Variants in PLCG1 observed in about 807,000 individuals in gnomAD.
The protein encoded by PLCG1 is phospholipase C gamma 1.
A neutral mutation model predicts 177.8 loss-of-function variants in PLCG1; 71 were observed. The ratio of observed to expected loss-of-function variants is 0.40; its 90% CI spans 0.33 to 0.49. PLCG1 has a LOEUF of 0.49. Ranked by LOEUF, PLCG1 falls within the 20% of genes least tolerant of loss-of-function variation. The pLI, the probability that PLCG1 is intolerant of heterozygous loss-of-function variation, is 0.72. For synonymous variants in PLCG1, 658 were observed against 647.9 expected, an observed-to-expected ratio of 1.02 and a Z score of -0.24; for missense variants, 1,281 against 1,709.0, an observed-to-expected ratio of 0.75 and a Z score of 4.42.
intron 1 of PLCG1, among the ~76,000 whole-genome samples, chr20:41,149,163 C>T (rs1446808824): frequency 6.6e-6 from 1 of 152,210 alleles, no homozygotes; most frequent in East Asian, 1.9e-4. Flanking sequence ...GTAGTAACTA[C>T]TTCATCCTCT....
chr20:41,152,996 TC>T (rs1247696455), intron 1 of PLCG1, among the ~76,000 whole-genome samples: 1 of 152,168 alleles, frequency 6.6e-6, no homozygotes, highest in Non-Finnish European at 1.5e-5. Flanking sequence ...TTCCCTGCCT[TC>T]CTCCAGTGCC....
intron 1 of PLCG1, among the ~76,000 whole-genome samples, chr20:41,143,389 G>A (rs560492790): frequency 6.6e-6 from 1 of 152,314 alleles, no homozygotes; most frequent in South Asian, 2.1e-4. Flanking sequence ...TTAGGAGACT[G>A]ATTTTTCCCC....
intron 1 of PLCG1, among the ~76,000 whole-genome samples, chr20:41,138,904 C>T (rs1397612375): frequency 1.3e-5 from 2 of 152,154 alleles, no homozygotes; most frequent in Non-Finnish European, 1.5e-5. Flanking sequence ...CATTCCCCCG[C>T]CTCTCAGTGT....
rs375313716 is a variant in PLCG1 at position 41,163,772 on chromosome 20, G to T, written c.949G>T (p.Val317Leu). Residue 317 changes from valine (V) to leucine (L), a missense_variant, in exon 10 of 32, where the codon GTA becomes TTA. Physicochemically the swap from Val to Leu is conservative, Grantham distance 32 (BLOSUM62 1). Around this residue, in one of 4 missense-constraint regions of PLCG1, gnomAD observed 374 missense variants for 443.8 expected, o/e 0.84. Transcript: ENST00000685551. This position sits in a 1 kb window ranked among gnomAD's most constrained non-coding sequence, Gnocchi z 5.2. ...TGTGTGGAACTCGCAGCTGGATGCAGTATGCCCGGACACCATGAACAACCC... is the reference window on the plus strand; with the variant it reads ...TGTGTGGAACTCGCAGCTGGATGCATTATGCCCGGACACCATGAACAACCC... ...NSVWNSQLDAVCPDTMNNPLS... is the reference protein window; with the variant it reads ...NSVWNSQLDALCPDTMNNPLS... The T allele has an allele frequency of 1.2e-6, 2 of 1,613,310 alleles. No individual in the cohort carries two copies. Among genetic ancestry groups the T allele is most frequent in the African/African-American group, 1.3e-5 (1 of 74,704 alleles).
chr20:41,163,570 G>T lies in PLCG1; in HGVS notation c.891+91G>T. Reference sequence around the variant, plus strand: ...GGCTCCAGGAGCTAGACGCTCCTTAGGGATGCCACCTTGTTTCTACCTACT... The same window carrying T: ...GGCTCCAGGAGCTAGACGCTCCTTATGGATGCCACCTTGTTTCTACCTACT... On this transcript the variant is annotated intron_variant, in intron 9 of 31. Transcript: ENST00000685551. This position sits in a 1 kb window ranked among gnomAD's most constrained non-coding sequence, Gnocchi z 5.2. The T allele has an allele frequency of 9.1e-7, 1 of 1,098,338 alleles. No homozygotes were observed. The allele number at this position is 1,098,338 out of a possible 1,614,324, so 68.0% of individuals were successfully genotyped here. A position where few individuals can be genotyped will look rare whatever the true frequency, so the allele number is the denominator to read the frequency against.
intron 1 of PLCG1, among the ~76,000 whole-genome samples, chr20:41,152,619 G>A (rs371223088): frequency 1.3e-5 from 2 of 152,238 alleles, no homozygotes; most frequent in South Asian, 2.1e-4. Context: ...AATTAGCTCT[G>A]GAATCTAACT....
rs150871654 is a variant in PLCG1 at position 41,144,088 on chromosome 20, A to G, written c.217+6230A>G. Among the ~76,000 whole-genome samples the G allele has an allele frequency of 3.7e-3, 571 of 152,318 alleles. 3 individuals are homozygous for G. The highest frequency in any genetic ancestry group is 5.1e-3 in the Non-Finnish European group (345 of 68,030). ...CAAAAAACTCTGGAATTGGAATAGC[A>G]TATTGGGAGTTCATGGAACATTTTC... On this transcript the variant is annotated intron_variant, in intron 1 of 31. Transcript: ENST00000685551. This position sits in a 1 kb window ranked among gnomAD's most constrained non-coding sequence, Gnocchi z 4.1.
chr20:41,161,795 C>T (rs11696662), intron 4 of PLCG1, among the ~76,000 whole-genome samples: 6,887 of 151,422 alleles, frequency 0.045, 231 homozygotes, highest in South Asian at 0.1. Context: ...TTGCCAGGTC[C>T]AGCAGTGTCC....
Position 41,172,700 on chromosome 20 carries a change from T to C in PLCG1, c.3131-29T>C, listed in dbSNP as rs1421759747. 3.1e-6 allele frequency: 5 copies of C among 1,612,822 alleles called. No individual in the cohort carries two copies. Among genetic ancestry groups the C allele is most frequent in the Non-Finnish European group, 4.2e-6 (5 of 1,179,030 alleles). ...GAGGGGCACTGTGGGGCAGCTGGACTGGAATACACCATAATCTGCCTCTTC... is the reference window on the plus strand; with the variant it reads ...GAGGGGCACTGTGGGGCAGCTGGACCGGAATACACCATAATCTGCCTCTTC... On this transcript the variant is annotated intron_variant, in intron 26 of 31. Transcript: ENST00000685551. The surrounding 1 kb of genome is among the most constrained non-coding windows in gnomAD (Gnocchi z 7.0).
In PLCG1 at chr20:41,165,065, C is replaced by A. The variant is rs753994778; in HGVS notation, c.1350C>A (p.Pro450=). ...TGGAGATCTCTGCCGACGGGCTCCC[C>A]TCACCCAACCAGCTTAAGAGGAAGA... The part of the protein sequence containing the change: ...KPVEISADGL[P]SPNQLKRKIL... The change falls in exon 13 of 32, where the codon CCC becomes CCA. Residue 450 remains proline (P), a synonymous_variant. Transcript: ENST00000685551. This position sits in a 1 kb window ranked among gnomAD's most constrained non-coding sequence, Gnocchi z 6.6. The A allele has an allele frequency of 2.5e-6, 4 of 1,609,708 alleles. No individual in the cohort carries two copies. Among genetic ancestry groups the A allele is most frequent in the Non-Finnish European group, 3.4e-6 (4 of 1,178,124 alleles).
intron 1 of PLCG1, among the ~76,000 whole-genome samples, chr20:41,140,577 C>T (rs887646893): frequency 2.6e-5 from 4 of 152,160 alleles, no homozygotes; most frequent in Non-Finnish European, 5.9e-5. Flanking sequence ...ATATGTAAGA[C>T]CTTCTTCTGC....
In PLCG1 at chr20:41,177,295, T is replaced by G. The variant is rs1568766224; in HGVS notation, c.*2786T>G. 1 of 152,194 alleles carries G rather than the reference T, an allele frequency of 6.6e-6. No homozygotes were observed. 9.4% of individuals were successfully genotyped at this position (152,194 alleles called of 1,614,324 possible). A position where few individuals can be genotyped will look rare whatever the true frequency, so the allele number is the denominator to read the frequency against. ...CACATACAAAGTAGAGCCTACAAGG[T>G]CAGGGGCATTCTGCCCCCGCCACAG... On this transcript the variant is annotated 3_prime_UTR_variant, in exon 32 of 32. Transcript: ENST00000685551.
chr20:41,169,050 T>TGGAGGTCA, intron 21 of PLCG1, 29 bp from the exon 22 acceptor site: 1 of 1,567,594 alleles, frequency 6.4e-7, no homozygotes. Flanking sequence ...GGGTGGTTGC[T>TGGAGGTCA]GGAGGTCAGC....
At position 41,137,988 on chromosome 20, in the gene PLCG1, G is replaced by A. The variant is rs971425820; in HGVS notation, c.217+130G>A. The A allele has an allele frequency of 1.1e-5, 6 of 561,116 alleles. No homozygotes were observed. The Admixed American group carries it at 1.8e-4, about 16-fold the overall frequency. The allele number at this position is 561,116 out of a possible 1,614,324, so 34.8% of individuals were successfully genotyped here. The stretch of plus-strand genomic sequence containing the variant: ...TTTCGGGCCCTCCCAGACTCCCTCC[G>A]GGCCCCGCCCCCGCTTCGTCTCGGG... On this transcript the variant is annotated intron_variant, in intron 1 of 31. Transcript: ENST00000685551. This position sits in a 1 kb window ranked among gnomAD's most constrained non-coding sequence, Gnocchi z 7.3.
Position 41,144,961 on chromosome 20 carries a change from CTG to C in PLCG1, c.217+7106_217+7107del, listed in dbSNP as rs1269542133. 1.3e-5 allele frequency among the ~76,000 whole-genome samples: 2 copies of C among 152,180 alleles called. No individual in the cohort carries two copies. The highest frequency in any genetic ancestry group is 3.8e-4 in the East Asian group (2 of 5,202). ...GGCTTTAGACTCTGGCATTTGCTAA[CTG>C]TGCCAAGCACTGTGGAGACCAGTAG... is the stretch of plus-strand genomic sequence containing the variant. On this transcript the variant is annotated intron_variant, in intron 1 of 31. Transcript: ENST00000685551. The surrounding 1 kb of genome is among the most constrained non-coding windows in gnomAD (Gnocchi z 4.1).
At position 41,157,204 on chromosome 20, in the gene PLCG1, C is replaced by CTGTGTGTGTGTGTG. The variant is rs35980938; in HGVS notation, c.218-2378_218-2365dup. 0.017 allele frequency among the ~76,000 whole-genome samples: 2,393 copies of CTGTGTGTGTGTGTG among 143,984 alleles called. 66 individuals carry two copies. The highest frequency in any genetic ancestry group is 0.046 in the African/African-American group (1,703 of 37,294). 94.5% of individuals were successfully genotyped at this position (143,984 alleles called of 152,430 possible). A position where few individuals can be genotyped will look rare whatever the true frequency, so the allele number is the denominator to read the frequency against. Reference sequence around the variant, plus strand: ...GTGCAGGAGTGCAGGCCTGTTGACTCTGTGTGTGTGTGTGTGTGTGTGTGT... The same window carrying CTGTGTGTGTGTGTG: ...GTGCAGGAGTGCAGGCCTGTTGACTCTGTGTGTGTGTGTGTGTGTGTGTGTGTGTGTGTGTGTGT... On this transcript the variant is annotated intron_variant, in intron 1 of 31. Coordinates refer to ENST00000685551, the MANE Select transcript of PLCG1 (RefSeq NM_002660.3). This position sits in a 1 kb window ranked among gnomAD's most constrained non-coding sequence, Gnocchi z 5.4.
At position 41,170,065 on chromosome 20, in the gene PLCG1, G is replaced by A. The variant is rs780330562; in HGVS notation, c.2651-47G>A. 5.3e-5 allele frequency: 82 copies of A among 1,542,546 alleles called. No homozygotes were observed. In the African/African-American group the frequency reaches 1.0e-3, roughly 20 times the overall value. ...GCCTGCGGTGTGGAGTGGGGTGGAGGGGGTGAGATGTCTATTCCCAGCTGT... is the reference window on the plus strand; with the variant it reads ...GCCTGCGGTGTGGAGTGGGGTGGAGAGGGTGAGATGTCTATTCCCAGCTGT... On this transcript the variant is annotated intron_variant, in intron 23 of 31. Transcript: ENST00000685551.
At chr20:41,154,361 C>T (rs1214052057) in intron 1 of PLCG1, among the ~76,000 whole-genome samples, 1 of 152,218 alleles carries the variant, frequency 6.6e-6, no homozygotes, top group African/African-American at 2.4e-5. Flanking sequence ...TGGGCTCCCT[C>T]TCCCCCTTCT....
intron 1 of PLCG1, among the ~76,000 whole-genome samples, chr20:41,145,724 G>C (rs1446347465): frequency 6.6e-6 from 1 of 152,176 alleles, no homozygotes; most frequent in East Asian, 1.9e-4. Context: ...TGTGAGAAGG[G>C]GTTGGTCCCC....
Sources: gnomAD v4.1 joint callset for allele counts (sites outside exome capture counted in the v4.1 genomes callset) on GRCh38, gnomAD v4.1.1 for gene constraint, gnomAD v4.1.1 regional missense constraint, Gnocchi (gnomAD v3.1) non-coding constraint, MANE v1.5 for transcripts, NCBI Gene and HGNC (gene_info 2026-07-23, HGNC 2026-07-21) for gene names.